The following NEXMIF variants were observed in gnomAD, a reference collection of about 807,000 sequenced individuals.
NEXMIF encodes the protein XLMR protein related to neurite extension.
In NEXMIF, 8 loss-of-function variants were observed where a neutral mutation model predicts 62.1. The observed-to-expected ratio is 0.13, with a 90% confidence interval of 0.08 to 0.23. The LOEUF (loss-of-function observed/expected upper bound fraction) is 0.23, where lower values mean the gene tolerates loss of function less well. Ranked by LOEUF, NEXMIF falls within the 10% of genes least tolerant of loss-of-function variation. The probability of loss-of-function intolerance (pLI) is 1.00; values close to 1 mark genes in which losing one functional copy is unlikely to be tolerated. For missense variants in NEXMIF, 976 were observed against 1,113.3 expected (o/e 0.88, Z 1.75); for synonymous variants, 404 against 416.6 (o/e 0.97, Z 0.37).
intron 1 of NEXMIF, among the ~76,000 whole-genome samples, chrX:74,924,681 C>T (rs1260139560): frequency 8.8e-6 from 1 of 113,828 alleles, no homozygotes. Flanking sequence ...TCAGGGCGAG[C>T]CGGGATCTCT....
At chrX:74,794,972 G>C (rs1268296468) in intron 1 of NEXMIF, among the ~76,000 whole-genome samples, 1 of 111,802 alleles carries the variant, frequency 8.9e-6, no homozygotes. Flanking sequence ...GACTGGAGCT[G>C]TTCCTATTCG....
At chrX:74,915,485 G>T (rs1024961319) in intron 1 of NEXMIF, among the ~76,000 whole-genome samples, 43 of 111,596 alleles carry the variant, frequency 3.9e-4, no homozygotes, top group Non-Finnish European at 7.2e-4. Flanking sequence ...CAGAATAAAG[G>T]CCTTCAAAGA....
Position 74,740,176 on chromosome X carries a change from T to A in NEXMIF, c.4381A>T (p.Lys1461Ter). ...KSSSKALRDEKCKGKHMEREQ... is the reference protein window; with the variant it reads ...KSSSKALRDE ...CGCTCCATGTGCTTTCCCTTACATTTCTCATCTCTCAGGGCCTTGGAGCTG... is the reference window on the plus strand; with the variant it reads ...CGCTCCATGTGCTTTCCCTTACATTACTCATCTCTCAGGGCCTTGGAGCTG... Residue 1461 changes from lysine (K) to a stop codon, truncating the protein, a stop_gained, in exon 3 of 4, where the codon AAA becomes TAA. Transcript: ENST00000055682. LOFTEE classifies it high-confidence loss of function. 8.3e-7 allele frequency: 1 copy of A among 1,210,902 alleles called. No individual in the cohort carries two copies. Among genetic ancestry groups the A allele is most frequent in the Non-Finnish European group, 1.1e-6 (1 of 894,939 alleles).
chrX:74,874,790 T>C (rs1602259924), intron 1 of NEXMIF, among the ~76,000 whole-genome samples: 1 of 96,436 alleles, frequency 1.0e-5, no homozygotes, highest in East Asian at 3.6e-4. Flanking sequence ...TTTGGCTCTC[T>C]GTTTGTCTGT....
At chrX:74,924,591 C>T (rs1417977840) in intron 1 of NEXMIF, among the ~76,000 whole-genome samples, 2 of 113,485 alleles carry the variant, frequency 1.8e-5, no homozygotes, top group Admixed American at 9.2e-5. Flanking sequence ...GCGGCGGCTC[C>T]GGTCCGCTCG....
At chrX:74,874,196 C>G (rs2080617758) in intron 1 of NEXMIF, among the ~76,000 whole-genome samples, 1 of 109,885 alleles carries the variant, frequency 9.1e-6, no homozygotes, top group South Asian at 4.0e-4. Context: ...GATCCAGTTT[C>G]AGCTTTCTAC....
intron 1 of NEXMIF, among the ~76,000 whole-genome samples, chrX:74,755,464 C>A (rs1403556973): frequency 9.0e-6 from 1 of 111,045 alleles, no homozygotes. Flanking sequence ...ATTCTCCTAG[C>A]CTTGTTGATC....
At chrX:74,903,475 T>C (rs934505128) in intron 1 of NEXMIF, among the ~76,000 whole-genome samples, 1 of 109,183 alleles carries the variant, frequency 9.2e-6, no homozygotes, top group African/African-American at 3.4e-5. Flanking sequence ...GAGCCTGGAA[T>C]TGAAAAATTG....
chrX:74,839,173 T>C (rs1366333707), intron 1 of NEXMIF, among the ~76,000 whole-genome samples: 1 of 111,967 alleles, frequency 8.9e-6, no homozygotes, highest in African/African-American at 3.2e-5. Flanking sequence ...GTTCCTTTAT[T>C]TATCTTTACC....
intron 1 of NEXMIF, among the ~76,000 whole-genome samples, chrX:74,895,339 T>C (rs1048584336): frequency 1.8e-5 from 2 of 112,219 alleles, no homozygotes; most frequent in African/African-American, 6.5e-5. Context: ...AGATATTCCA[T>C]GTTTGTGGGT....
intron 1 of NEXMIF, among the ~76,000 whole-genome samples, chrX:74,766,203 G>A (rs1209822767): frequency 9.0e-6 from 1 of 111,235 alleles, no homozygotes; most frequent in Non-Finnish European, 1.9e-5. Context: ...AGTCTGATGA[G>A]TATGTTTCTT....
chrX:74,868,007 C>A (rs755177441), intron 1 of NEXMIF, among the ~76,000 whole-genome samples: 13 of 111,596 alleles, frequency 1.2e-4, no homozygotes, highest in African/African-American at 3.9e-4. Context: ...ACTCACATGG[C>A]CAAGAGACAT....
chrX:74,792,994 A>G (rs1428202067), intron 1 of NEXMIF, among the ~76,000 whole-genome samples: 1 of 108,323 alleles, frequency 9.2e-6, no homozygotes, highest in African/African-American at 3.4e-5. Flanking sequence ...TAATATTGTT[A>G]TGTGTGAATT....
rs1392853213 is a variant in NEXMIF at position 74,733,646 on chromosome X, C to T, written c.*5759G>A. The T allele has an allele frequency of 3.6e-5, 4 of 112,129 alleles. No homozygotes were observed. Among genetic ancestry groups the T allele is most frequent in the East Asian group, 2.8e-4 (1 of 3,573 alleles). 9.2% of individuals were successfully genotyped at this position (112,129 alleles called of 1,213,427 possible). On this transcript the variant is annotated 3_prime_UTR_variant, in exon 4 of 4. Coordinates refer to ENST00000055682, the MANE Select transcript of NEXMIF (RefSeq NM_001008537.3). ...CTAGGTAACATTATGACAGTTTCACCGTACATTCAGTCACAAATATTTGAA... is the reference window on the plus strand; with the variant it reads ...CTAGGTAACATTATGACAGTTTCACTGTACATTCAGTCACAAATATTTGAA...
intron 1 of NEXMIF, among the ~76,000 whole-genome samples, chrX:74,836,698 C>T (rs1007406751): frequency 2.7e-5 from 3 of 111,452 alleles, no homozygotes; most frequent in African/African-American, 9.9e-5. Flanking sequence ...GTTTTCCTCC[C>T]CTTAAGCAGA....
intron 1 of NEXMIF, among the ~76,000 whole-genome samples, chrX:74,857,213 C>G (rs1035300994): frequency 8.9e-6 from 1 of 111,949 alleles, no homozygotes; most frequent in Non-Finnish European, 1.9e-5. Context: ...CACCACTACC[C>G]AAATCCCAGG....
chrX:74,904,964 C>CCCT (rs1443218265), intron 1 of NEXMIF, among the ~76,000 whole-genome samples: 2 of 111,340 alleles, frequency 1.8e-5, no homozygotes, highest in Non-Finnish European at 3.8e-5. Flanking sequence ...AGAACCTTTG[C>CCCT]AAATCAAGTC....
intron 1 of NEXMIF, among the ~76,000 whole-genome samples, chrX:74,794,153 T>A (rs1390121392): frequency 9.1e-6 from 1 of 110,031 alleles, no homozygotes; most frequent in Non-Finnish European, 1.9e-5. Flanking sequence ...GATGGGTTTT[T>A]GGTTTGGATG....
chrX:74,807,547 C>T lies in NEXMIF; in HGVS notation c.-47-61850G>A, dbSNP rs1038056218. Among the ~76,000 whole-genome samples the T allele has an allele frequency of 1.6e-4, 18 of 110,880 alleles. No individual in the cohort carries two copies. In the South Asian group the frequency reaches 5.4e-3, roughly 33 times the overall value. On this transcript the variant is annotated intron_variant, in intron 1 of 3. Transcript: ENST00000055682. ...GCGCCATCTTGGCTCACTGCAACCT[C>T]CATCTCCCAGGTTCAAGCGATTCTC...
Sources: gnomAD v4.1 joint callset for allele counts (sites outside exome capture counted in the v4.1 genomes callset) on GRCh38, gnomAD v4.1.1 for gene constraint, MANE v1.5 for transcripts, NCBI Gene and HGNC (gene_info 2026-07-23, HGNC 2026-07-21) for gene names.